Variants in TSPAN16 observed in about 807,000 individuals in gnomAD.
TSPAN16 encodes tetraspanin 16, also known as tetraspanin-16.
TSPAN16 carries 23 observed loss-of-function variants against 25.2 expected under a neutral mutation model. The observed-to-expected ratio is 0.91, with a 90% CI of 0.66 to 1.29. The LOEUF is 1.29. Among genes scored for constraint, TSPAN16 ranks in the 50% most tolerant of loss-of-function variants. The pLI, the probability that TSPAN16 is intolerant of heterozygous loss-of-function variation, is 0.00. For synonymous variants in TSPAN16, 123 were observed against 124.4 expected (o/e 0.99, Z 0.08); for missense variants, 272 against 299.9 (o/e 0.91, Z 0.69).
chr19:11,319,012 C>A (rs1038082079), downstream of TSPAN16, among the ~76,000 whole-genome samples: 2 of 152,202 alleles, frequency 1.3e-5, no homozygotes, highest in Admixed American at 1.3e-4. Flanking sequence ...CCAAGTAATT[C>A]TCCAATTCTC....
At chr19:11,318,112 C>T (rs322137), downstream of TSPAN16, among the ~76,000 whole-genome samples, 49,772 of 151,436 alleles carry the variant, frequency 0.33, 8,814 homozygotes, top group African/African-American at 0.47. Context: ...CTGCGAGCTC[C>T]GCCTCCTGGG....
chr19:11,325,205 C>T (rs2080804466), intron 6 of TSPAN16: 1 of 550,396 alleles, frequency 1.8e-6, no homozygotes, highest in Admixed American at 3.1e-5. Flanking sequence ...GGTCCGCAGC[C>T]TCCCACCGGG....
chr19:11,313,526 CA>C (rs59048434), intron 6 of TSPAN16, among the ~76,000 whole-genome samples: 32,306 of 118,424 alleles, frequency 0.27, 5,413 homozygotes, highest in African/African-American at 0.53. Context: ...GACTCTGTCT[CA>C]AAAAAAAAAA....
Position 11,298,217 on chromosome 19 carries a change from C to A in TSPAN16, c.145C>A (p.Leu49Met), listed in dbSNP as rs1413952791. ...GGASLTNVLGLSSAYLLHVGN... is the reference protein window; with the variant it reads ...GGASLTNVLGMSSAYLLHVGN... ...GGCCTCTCTGACGAATGTCCTCGGG[C>A]TGTCCTCCGCATACCTCCTTCACGT... Residue 49 changes from leucine to methionine, a missense_variant, in exon 2 of 7, where the codon CTG (leucine) becomes ATG (methionine). Coordinates refer to ENST00000590327, the MANE Select transcript of TSPAN16 (RefSeq NM_001282509.2). 6.2e-7 allele frequency: 1 copy of A among 1,614,170 alleles called. No individual in the cohort carries two copies. Among genetic ancestry groups the A allele is most frequent in the Admixed American group, 1.7e-5 (1 of 59,992 alleles).
chr19:11,319,971 C>G (rs8109075), downstream of TSPAN16, among the ~76,000 whole-genome samples: 82 of 151,412 alleles, frequency 5.4e-4, no homozygotes, highest in African/African-American at 2.0e-3. Flanking sequence ...CCCGCCACCA[C>G]GCCCGGCTAA....
rs375132195 is a variant in TSPAN16, at chr19:11,298,329, C to T, written c.257C>T (p.Thr86Met). 6.1e-5 allele frequency: 98 copies of T among 1,613,672 alleles called. No homozygotes were observed. Among genetic ancestry groups the T allele is most frequent in the East Asian group, 2.0e-4 (9 of 44,888 alleles). ...GGAGCGACTAAAGAGAGCAGAGGCA[C>T]GCTCTTGTTTGTAAGTTGGATCTGC... ...WYGATKESRG[T>M]LLFCILSMVI... Residue 86 changes from threonine to methionine, a missense_variant, in exon 2 of 7, where the codon ACG becomes ATG. By Grantham distance (81) the Thr-to-Met change is moderately conservative. Transcript: ENST00000590327.
intron 3 of TSPAN16, among the ~76,000 whole-genome samples, chr19:11,299,775 G>T (rs2080522393): frequency 6.6e-6 from 1 of 152,000 alleles, no homozygotes; most frequent in Non-Finnish European, 1.5e-5. Context: ...AGGAGTTCGA[G>T]ACCAGCCTGG....
intron 6 of TSPAN16, among the ~76,000 whole-genome samples, chr19:11,314,150 A>T (rs979275976): frequency 6.6e-6 from 1 of 152,188 alleles, no homozygotes; most frequent in Non-Finnish European, 1.5e-5. Flanking sequence ...AGTCCATAGA[A>T]ATAAAAGGTA....
chr19:11,298,437 T>A (rs1599325441), intron 2 of TSPAN16, 98 bp downstream of exon 2: 3 of 396,324 alleles, frequency 7.6e-6, no homozygotes, highest in Non-Finnish European at 9.8e-6. Context: ...TGTCACCTAT[T>A]TTTTTTTTTT....
intron 5 of TSPAN16, among the ~76,000 whole-genome samples, chr19:11,310,560 C>T (rs2080680108): frequency 6.6e-6 from 1 of 151,246 alleles, no homozygotes. Flanking sequence ...GGAGGCCCTA[C>T]CATCTTCAGG....
At chr19:11,297,482 A>ATTATTTTATT (rs61261243) in intron 1 of TSPAN16, among the ~76,000 whole-genome samples, 44,000 of 146,912 alleles carry the variant, frequency 0.3, 6,832 homozygotes, top group Admixed American at 0.33. Flanking sequence ...GTCCTATGAC[A>ATTATTTTATT]TTATTTTATT....
chr19:11,316,086 GGTGT>G (rs147500274), downstream of TSPAN16: 46 of 257,532 alleles, frequency 1.8e-4, no homozygotes, highest in Middle Eastern at 1.5e-3. Context: ...AATTATTCTT[GGTGT>G]GTGTGTGTGT....
intron 5 of TSPAN16, 62 bp from the exon 6 acceptor site, chr19:11,312,077 G>A: frequency 7.7e-7 from 1 of 1,306,848 alleles, no homozygotes; most frequent in Non-Finnish European, 1.1e-6. Flanking sequence ...TGGGGTTGAT[G>A]GGGACTTGCA....
chr19:11,315,688 C>T (rs1266528488), intron 6 of TSPAN16, 103 bp from the exon 7 acceptor site: 1 of 969,132 alleles, frequency 1.0e-6, no homozygotes, highest in Admixed American at 4.3e-5. Flanking sequence ...CTGCCCCTCG[C>T]CTTTCTGGAA....
At chr19:11,298,781 G>A in intron 2 of TSPAN16, 91 bp from the exon 3 acceptor site, 3 of 1,290,748 alleles carry the variant, frequency 2.3e-6, no homozygotes, top group East Asian at 4.6e-5. Flanking sequence ...TGGAGGGTCG[G>A]GGGAACAGAG....
In TSPAN16 at chr19:11,306,721, G is replaced by C; in HGVS notation, c.568G>C (p.Gly190Arg). The change falls in exon 5 of 7, where the codon GGA becomes CGA. Residue 190 changes from glycine to arginine, a missense_variant. Coordinates refer to ENST00000590327, the MANE Select transcript of TSPAN16 (RefSeq NM_001282509.2). Reference sequence around the variant, plus strand: ...ATCCATCGGAAGTGTGTCCTGTGACGGACGCGATGTGTCTCCAAACGTCAT... The same window carrying C: ...ATCCATCGGAAGTGTGTCCTGTGACCGACGCGATGTGTCTCCAAACGTCAT... Reference protein sequence around the residue: ...CKSIGSVSCDGRDVSPNVIHQ... With the variant: ...CKSIGSVSCDRRDVSPNVIHQ... 6.2e-7 allele frequency: 1 copy of C among 1,614,032 alleles called. No homozygotes were observed. The highest frequency in any genetic ancestry group is 8.5e-7 in the Non-Finnish European group (1 of 1,180,024).
At chr19:11,316,119 T>TGTGTGTGG (rs1491440242), downstream of TSPAN16, 68 of 128,050 alleles carry the variant, frequency 5.3e-4, no homozygotes, top group African/African-American at 3.0e-3. Flanking sequence ...GTGTGTGTGG[T>TGTGTGTGG]TTTTTTTTTT....
At chr19:11,308,011 T>C (rs1216463744) in intron 5 of TSPAN16, 1 of 152,126 alleles carries the variant, frequency 6.6e-6, no homozygotes, top group Non-Finnish European at 1.5e-5. Flanking sequence ...CCATGAAAAG[T>C]GATCATCCTA....
chr19:11,303,877 G>C (rs2080597698), intron 4 of TSPAN16, among the ~76,000 whole-genome samples: 1 of 151,406 alleles, frequency 6.6e-6, no homozygotes, highest in Non-Finnish European at 1.5e-5. Context: ...TCCGCCTCCT[G>C]GGTTCAAGTG....
Sources: gnomAD v4.1 joint callset for allele counts (sites outside exome capture counted in the v4.1 genomes callset) on GRCh38, gnomAD v4.1.1 for gene constraint, MANE v1.5 for transcripts, NCBI Gene and HGNC (gene_info 2026-07-23, HGNC 2026-07-21) for gene names.